The following ZKSCAN1 variants were observed in gnomAD, a reference collection of about 807,000 sequenced individuals.
The protein encoded by ZKSCAN1 is zinc finger with KRAB and SCAN domains 1.
ZKSCAN1 carries 14 observed loss-of-function variants against 51.6 expected under a neutral mutation model. The ratio of observed to expected loss-of-function variants is 0.27; its 90% CI spans 0.18 to 0.42. The LOEUF (loss-of-function observed/expected upper bound fraction) is 0.42. ZKSCAN1 is among the 10% of genes least tolerant of loss of function. The pLI is 1.00. For synonymous variants in ZKSCAN1, 263 were observed against 261.5 expected, an observed-to-expected ratio of 1.01 and a Z score of -0.06; for missense variants, 531 against 710.0, an observed-to-expected ratio of 0.75 and a Z score of 2.86.
Position 100,036,331 on chromosome 7 carries a change from A to G in ZKSCAN1, c.*2134A>G. On this transcript the variant is annotated 3_prime_UTR_variant, in exon 6 of 6. Transcript: ENST00000324306. Reference sequence around the variant, plus strand: ...ATCTAAGTAACTAAAATGGAGGCAGAAAATGTTTTAAGGATTTTCTTCAAA... The same window carrying G: ...ATCTAAGTAACTAAAATGGAGGCAGGAAATGTTTTAAGGATTTTCTTCAAA... 1.0e-6 allele frequency: 1 copy of G among 985,450 alleles called. No homozygotes were observed. Among genetic ancestry groups the G allele is most frequent in the Non-Finnish European group, 1.2e-6 (1 of 829,934 alleles). The allele number at this position is 985,450 out of a possible 1,614,324, so 61.0% of individuals were successfully genotyped here.
intron 5 of ZKSCAN1, among the ~76,000 whole-genome samples, chr7:100,031,497 C>T (rs1584345160): frequency 6.6e-6 from 1 of 152,034 alleles, no homozygotes; most frequent in South Asian, 2.1e-4. Context: ...AGGCTGGTCT[C>T]AAAACCCTTG....
downstream of ZKSCAN1, chr7:100,044,947 GTGA>G (rs1791684670): frequency 1.0e-6 from 1 of 985,306 alleles, no homozygotes; most frequent in Non-Finnish European, 1.2e-6. Flanking sequence ...GCAAAAATAG[GTGA>G]TGATGAGAAC....
At position 100,026,960 on chromosome 7, in the gene ZKSCAN1, A is replaced by ACACCCTCCAAGCTAGGCAACAGAG. The variant is rs1274228645; in HGVS notation, c.580+2656_580+2679dup. ...TAAGCTTTTTTTGTTAAAAATTCAT[A>ACACCCTCCAAGCTAGGCAACAGAG]CACCCTCCAAGCTAGGCAACAGAGC... On this transcript the variant is annotated intron_variant, in intron 3 of 5. Transcript: ENST00000324306. 4.4e-4 allele frequency among the ~76,000 whole-genome samples: 67 copies of ACACCCTCCAAGCTAGGCAACAGAG among 151,966 alleles called. 3 individuals are homozygous for ACACCCTCCAAGCTAGGCAACAGAG. In the South Asian group the frequency reaches 9.4e-3, roughly 21 times the overall value.
Position 100,041,357 on chromosome 7 carries a change from C to T in ZKSCAN1, c.*7160C>T. The T allele has an allele frequency of 1.0e-6, 1 of 984,896 alleles. No homozygotes were observed. The highest frequency in any genetic ancestry group is 1.7e-5 in the African/African-American group (1 of 57,264). The allele number at this position is 984,896 out of a possible 1,614,324, so 61.0% of individuals were successfully genotyped here. On this transcript the variant is annotated 3_prime_UTR_variant, in exon 6 of 6. Coordinates refer to ENST00000324306, the MANE Select transcript of ZKSCAN1 (RefSeq NM_003439.4). ...TAATTGAATGTGTTCATTTAAAATC[C>T]TCCTTAACATTTCTAGAAAGACTTC...
intron 1 of ZKSCAN1, among the ~76,000 whole-genome samples, chr7:100,022,288 C>T (rs1202239603): frequency 6.6e-6 from 1 of 152,186 alleles, no homozygotes; most frequent in Non-Finnish European, 1.5e-5. Context: ...CTCCTGACCT[C>T]GTGATCCGCA....
At position 100,038,502 on chromosome 7, in the gene ZKSCAN1, A is replaced by G; in HGVS notation, c.*4305A>G. 1 of 985,474 alleles carries G rather than the reference A, an allele frequency of 1.0e-6. No homozygotes were observed. The highest frequency in any genetic ancestry group is 1.2e-6 in the Non-Finnish European group (1 of 829,942). 61.0% of individuals were successfully genotyped at this position (985,474 alleles called of 1,614,324 possible). ...GTGCAGCCTTTTGAATTTTTCCTCA[A>G]AACCAAGAAGTTGACCTCTGAGCTG... On this transcript the variant is annotated 3_prime_UTR_variant, in exon 6 of 6. Coordinates refer to ENST00000324306, the MANE Select transcript of ZKSCAN1 (RefSeq NM_003439.4).
Position 100,040,969 on chromosome 7 carries a change from G to C in ZKSCAN1, c.*6772G>C. The stretch of plus-strand genomic sequence containing the variant: ...AAAATCTTGTCCTAAAAATATATGA[G>C]TTTGGGGGTAAGGGGTGGGATAGCC... On this transcript the variant is annotated 3_prime_UTR_variant, in exon 6 of 6. Transcript: ENST00000324306. 1 of 985,210 alleles carries C rather than the reference G, an allele frequency of 1.0e-6. No individual in the cohort carries two copies. The highest frequency in any genetic ancestry group is 5.2e-4 in the Middle Eastern group (1 of 1,914). The allele number at this position is 985,210 out of a possible 1,614,324, so 61.0% of individuals were successfully genotyped here. A position where few individuals can be genotyped will look rare whatever the true frequency, so the allele number is the denominator to read the frequency against.
Position 100,036,236 on chromosome 7 carries a change from C to T in ZKSCAN1, c.*2039C>T. On this transcript the variant is annotated 3_prime_UTR_variant, in exon 6 of 6. Coordinates refer to ENST00000324306, the MANE Select transcript of ZKSCAN1 (RefSeq NM_003439.4). The stretch of plus-strand genomic sequence containing the variant: ...CAGCATTACTTGGGAAAACGTGTTG[C>T]AAGTCAACCAGTCACTAGGATATTT... 1.0e-6 allele frequency: 1 copy of T among 985,388 alleles called. No homozygotes were observed. The highest frequency in any genetic ancestry group is 1.2e-6 in the Non-Finnish European group (1 of 829,932). The allele number at this position is 985,388 out of a possible 1,614,324, so 61.0% of individuals were successfully genotyped here. A position where few individuals can be genotyped will look rare whatever the true frequency, so the allele number is the denominator to read the frequency against.
At chr7:100,021,751 TTTTTCC>T in intron 1 of ZKSCAN1, among the ~76,000 whole-genome samples, 1 of 151,732 alleles carries the variant, frequency 6.6e-6, no homozygotes, top group Non-Finnish European at 1.5e-5. Flanking sequence ...TTTTTTTTTT[TTTTTCC>T]TTTTCCTGAT....
At chr7:100,026,132 A>G (rs1790822996) in intron 3 of ZKSCAN1, among the ~76,000 whole-genome samples, 1 of 151,090 alleles carries the variant, frequency 6.6e-6, no homozygotes, top group Admixed American at 6.6e-5. Context: ...AGGCAGGAGA[A>G]TTGCTTGAAC....
intron 3 of ZKSCAN1, among the ~76,000 whole-genome samples, chr7:100,028,198 C>A (rs143908981): frequency 0.024 from 3,595 of 152,098 alleles, 65 homozygotes; most frequent in Middle Eastern, 0.048. Context: ...ACTAAAAATA[C>A]AAAAACTAGC....
intron 3 of ZKSCAN1, among the ~76,000 whole-genome samples, chr7:100,025,382 T>C (rs1436421295): frequency 6.9e-6 from 1 of 145,318 alleles, no homozygotes; most frequent in African/African-American, 2.5e-5. Flanking sequence ...TTTCAAACAA[T>C]GGGAAAAGAA....
At chr7:100,028,319 C>G (rs1183839711) in intron 3 of ZKSCAN1, among the ~76,000 whole-genome samples, 1 of 151,948 alleles carries the variant, frequency 6.6e-6, no homozygotes, top group Admixed American at 6.6e-5. Context: ...GCCATGCACA[C>G]CAGCCTGGGT....
At chr7:100,022,215 C>T (rs1225135548) in intron 1 of ZKSCAN1, among the ~76,000 whole-genome samples, 1 of 152,210 alleles carries the variant, frequency 6.6e-6, no homozygotes, top group East Asian at 1.9e-4. Context: ...CCACCGCGCC[C>T]AGCTAATTTT....
At chr7:100,028,811 AAC>A (rs1491505271) in intron 3 of ZKSCAN1, among the ~76,000 whole-genome samples, 1 of 151,810 alleles carries the variant, frequency 6.6e-6, no homozygotes, top group African/African-American at 2.4e-5. Context: ...AAAAAAAAAA[AAC>A]AGTATTTATT....
Position 100,036,445 on chromosome 7 carries a change from G to A in ZKSCAN1, c.*2248G>A, listed in dbSNP as rs544507692. 58 of 985,394 alleles carry A rather than the reference G, an allele frequency of 5.9e-5. No individual in the cohort carries two copies. The highest frequency in any genetic ancestry group is 3.3e-4 in the South Asian group (7 of 21,284). The allele number at this position is 985,394 out of a possible 1,614,324, so 61.0% of individuals were successfully genotyped here. ...CTAGAAAGCAACTGAGGCCAGGTGCGGTGGCTCACGCCTGTAATCCCAGCA... is the reference window on the plus strand; with the variant it reads ...CTAGAAAGCAACTGAGGCCAGGTGCAGTGGCTCACGCCTGTAATCCCAGCA... On this transcript the variant is annotated 3_prime_UTR_variant, in exon 6 of 6. Transcript: ENST00000324306.
At chr7:100,021,623 C>T (rs1040108860) in intron 1 of ZKSCAN1, among the ~76,000 whole-genome samples, 3 of 152,104 alleles carry the variant, frequency 2.0e-5, no homozygotes, top group Admixed American at 6.5e-5. Context: ...GTTTTTACCT[C>T]CTAATGTGGC....
Position 100,033,584 on chromosome 7 carries a change from T to G in ZKSCAN1, c.1079T>G (p.Leu360Arg). The G allele has an allele frequency of 6.2e-7, 1 of 1,614,178 alleles. No individual in the cohort carries two copies. Among genetic ancestry groups the G allele is most frequent in the Non-Finnish European group, 8.5e-7 (1 of 1,180,018 alleles). The change falls in exon 6 of 6, where the codon CTG (leucine) becomes CGG (arginine). Residue 360 changes from leucine to arginine, a missense_variant. Leu to Arg is a moderately radical substitution (Grantham distance 102, BLOSUM62 -2). This residue lies in a region of ZKSCAN1 where 403 missense variants were observed against 490.5 expected (regional missense o/e 0.82). Coordinates refer to ENST00000324306, the MANE Select transcript of ZKSCAN1 (RefSeq NM_003439.4). The surrounding 1 kb of genome is among the most constrained non-coding windows in gnomAD (Gnocchi z 4.1). ...KGKGLGRSFS[L>R]SSNFTTPEEV... is the part of the protein sequence containing the mutation. ...AAAGGATTGGGAAGAAGCTTCAGTC[T>G]GAGCTCCAACTTCACCACCCCTGAA...
intron 3 of ZKSCAN1, among the ~76,000 whole-genome samples, 199 bp from the exon 4 acceptor site, chr7:100,029,662 T>A (rs1421962857): frequency 6.6e-6 from 1 of 152,200 alleles, no homozygotes; most frequent in Admixed American, 6.5e-5. Flanking sequence ...GACCCTTTTA[T>A]GACTCCTGCT....
Sources: gnomAD v4.1 joint callset for allele counts (sites outside exome capture counted in the v4.1 genomes callset) on GRCh38, gnomAD v4.1.1 for gene constraint, gnomAD v4.1.1 regional missense constraint, Gnocchi (gnomAD v3.1) non-coding constraint, MANE v1.5 for transcripts, NCBI Gene and HGNC (gene_info 2026-07-23, HGNC 2026-07-21) for gene names.